Variants in IL1RAPL1 observed in about 807,000 individuals in gnomAD.
IL1RAPL1 encodes the protein interleukin-1 receptor accessory protein-like 1.
A neutral mutation model predicts 48.4 loss-of-function variants in IL1RAPL1; 3 were observed. The ratio of observed to expected loss-of-function variants is 0.06; its 90% CI spans 0.03 to 0.16. The LOEUF is 0.16. Among genes scored for constraint, IL1RAPL1 ranks in the 10% least tolerant of loss-of-function variants. IL1RAPL1 has a pLI of 1.00. For synonymous variants in IL1RAPL1, 185 were observed against 187.7 expected (o/e 0.99, Z 0.12); for missense variants, 349 against 530.6 (o/e 0.66, Z 3.36).
At chrX:29,342,530 G>T (rs1476796631) in intron 3 of IL1RAPL1, among the ~76,000 whole-genome samples, 1 of 111,810 alleles carries the variant, frequency 8.9e-6, no homozygotes, top group Admixed American at 9.5e-5. Context: ...AACTTTTCTT[G>T]AAGATGAATC....
chrX:29,557,877 ATATTT>A (rs1033786170), intron 5 of IL1RAPL1, among the ~76,000 whole-genome samples: 1 of 110,948 alleles, frequency 9.0e-6, no homozygotes, highest in African/African-American at 3.3e-5. Flanking sequence ...ATGCTAAATA[ATATTT>A]TATTGTGTGT....
intron 2 of IL1RAPL1, among the ~76,000 whole-genome samples, chrX:29,069,670 C>CACACACA (rs59221015): frequency 1.7e-4 from 18 of 105,152 alleles, no homozygotes; most frequent in South Asian, 4.2e-4. Context: ...CACACACACA[C>CACACACA]CCCTCCCCTT....
At chrX:29,679,143 C>T (rs1055078093) in intron 6 of IL1RAPL1, among the ~76,000 whole-genome samples, 3 of 111,662 alleles carry the variant, frequency 2.7e-5, no homozygotes, top group Non-Finnish European at 5.6e-5. Context: ...CACATCAAGC[C>T]ATCACTAGGA....
chrX:28,665,791 A>G (rs774756262), intron 1 of IL1RAPL1, among the ~76,000 whole-genome samples: 181 of 112,303 alleles, frequency 1.6e-3, no homozygotes, highest in African/African-American at 5.5e-3. Context: ...ATGCCCGGCT[A>G]TAAGTGGTAC....
chrX:29,426,524 C>T (rs191958529), intron 5 of IL1RAPL1, among the ~76,000 whole-genome samples: 18 of 111,557 alleles, frequency 1.6e-4, no homozygotes, highest in African/African-American at 5.2e-4. Flanking sequence ...TTCAAGACTA[C>T]TCAAGGGCAG....
At chrX:29,120,298 T>C (rs1370900638) in intron 2 of IL1RAPL1, among the ~76,000 whole-genome samples, 2 of 112,138 alleles carry the variant, frequency 1.8e-5, no homozygotes, top group Non-Finnish European at 3.8e-5. Flanking sequence ...CTTTAATTCA[T>C]CTCGAGTTAT....
In IL1RAPL1 at chrX:28,863,335, T is replaced by TA. The variant is rs752712066; in HGVS notation, c.82+73922dup. Among the ~76,000 whole-genome samples, 403 of 100,427 alleles carry TA rather than the reference T, an allele frequency of 4.0e-3. 1 individual carries two copies. In the South Asian group the frequency reaches 0.041, roughly 10 times the overall value. 87.2% of individuals were successfully genotyped at this position (100,427 alleles called of 115,157 possible). On this transcript the variant is annotated intron_variant, in intron 2 of 10. Transcript: ENST00000378993. ...TGAAAGCAGTAATAGACAATATGTT[T>TA]AAAAAAAAAAAATGAGTGTGGTTGT...
At chrX:28,733,963 T>A (rs1935787559) in intron 1 of IL1RAPL1, among the ~76,000 whole-genome samples, 1 of 111,502 alleles carries the variant, frequency 9.0e-6, no homozygotes, top group South Asian at 3.8e-4. Flanking sequence ...TATCAGTTGC[T>A]ATAGTTCCCT....
At chrX:28,745,020 C>T (rs542737158) in intron 1 of IL1RAPL1, among the ~76,000 whole-genome samples, 5 of 111,607 alleles carry the variant, frequency 4.5e-5, no homozygotes, top group South Asian at 7.5e-4. Flanking sequence ...TACCCAACCA[C>T]ACTAAGAAAC....
chrX:29,854,432 C>A (rs975242514), intron 6 of IL1RAPL1, among the ~76,000 whole-genome samples: 1 of 111,336 alleles, frequency 9.0e-6, no homozygotes, highest in East Asian at 2.8e-4. Context: ...ATAAATCATT[C>A]ATATGATATT....
intron 3 of IL1RAPL1, among the ~76,000 whole-genome samples, chrX:29,305,997 T>C (rs1484944809): frequency 1.8e-5 from 2 of 111,921 alleles, no homozygotes; most frequent in Non-Finnish European, 3.8e-5. Flanking sequence ...ATGACAGACA[T>C]CCTGAATTCA....
intron 2 of IL1RAPL1, among the ~76,000 whole-genome samples, chrX:28,845,149 A>G (rs768860244): frequency 1.5e-4 from 17 of 111,886 alleles, no homozygotes; most frequent in Non-Finnish European, 2.8e-4. Flanking sequence ...GCATTACAAA[A>G]GTAAAGAATC....
intron 5 of IL1RAPL1, among the ~76,000 whole-genome samples, chrX:29,593,396 G>A (rs1416118235): frequency 2.7e-5 from 3 of 111,941 alleles, no homozygotes; most frequent in Admixed American, 1.9e-4. Flanking sequence ...CTACATTGTA[G>A]GAAAGTAAAT....
At chrX:29,935,173 G>A (rs1341930465) in intron 8 of IL1RAPL1, among the ~76,000 whole-genome samples, 1 of 109,948 alleles carries the variant, frequency 9.1e-6, no homozygotes, top group African/African-American at 3.3e-5. Context: ...TACACCGGGG[G>A]TGGGGGGGAT....
intron 2 of IL1RAPL1, among the ~76,000 whole-genome samples, chrX:29,115,212 C>G (rs892047561): frequency 1.8e-5 from 2 of 111,721 alleles, no homozygotes; most frequent in African/African-American, 6.5e-5. Context: ...TTTTATTGCA[C>G]AGTGCATGAC....
At chrX:28,994,340 T>C (rs1444386511) in intron 2 of IL1RAPL1, among the ~76,000 whole-genome samples, 2 of 111,545 alleles carry the variant, frequency 1.8e-5, no homozygotes, top group Non-Finnish European at 3.8e-5. Context: ...TATAGGAAGC[T>C]TTGTATGCTT....
At chrX:29,316,043 C>G (rs1215638012) in intron 3 of IL1RAPL1, among the ~76,000 whole-genome samples, 1 of 111,974 alleles carries the variant, frequency 8.9e-6, no homozygotes, top group Admixed American at 9.5e-5. Context: ...CCCAATAAAC[C>G]ATGGCTAATA....
chrX:29,856,422 G>A (rs1931478630), intron 6 of IL1RAPL1, among the ~76,000 whole-genome samples: 1 of 111,924 alleles, frequency 8.9e-6, no homozygotes, highest in Admixed American at 9.5e-5. Context: ...TATGCATCAT[G>A]TATTACATAG....
At chrX:28,684,757 C>A (rs1935094222) in intron 1 of IL1RAPL1, among the ~76,000 whole-genome samples, 1 of 111,343 alleles carries the variant, frequency 9.0e-6, no homozygotes, top group Admixed American at 9.6e-5. Flanking sequence ...TAACTAAGTA[C>A]CTTGCATTTC....
Sources: gnomAD v4.1 joint callset for allele counts (sites outside exome capture counted in the v4.1 genomes callset) on GRCh38, gnomAD v4.1.1 for gene constraint, MANE v1.5 for transcripts, NCBI Gene and HGNC (gene_info 2026-07-23, HGNC 2026-07-21) for gene names.